Variants in CSMD1 observed in about 807,000 individuals in gnomAD.
CSMD1 encodes the protein CUB and Sushi multiple domains 1.
In CSMD1, 213 loss-of-function variants were observed where a neutral mutation model predicts 417.5. The observed-to-expected ratio is 0.51, with a 90% CI of 0.46 to 0.57. The LOEUF (loss-of-function observed/expected upper bound fraction) is 0.57, where lower values mean the gene tolerates loss of function less well. Ranked by LOEUF, CSMD1 falls within the 20% of genes least tolerant of loss-of-function variation. CSMD1 has a pLI of 0.00. For missense variants in CSMD1, 6,923 were observed against 4,529.7 expected (o/e 1.53, Z -15.17); for synonymous variants, 2,862 against 1,736.8 (o/e 1.65, Z -16.11).
intron 2 of CSMD1, among the ~76,000 whole-genome samples, chr8:4,636,165 G>A (rs926234059): frequency 1.3e-5 from 2 of 151,898 alleles, no homozygotes; most frequent in African/African-American, 4.8e-5. Context: ...GTGTATTACT[G>A]TTGGCATTAA....
At chr8:4,138,660 A>G (rs1389845107) in intron 3 of CSMD1, among the ~76,000 whole-genome samples, 1 of 152,184 alleles carries the variant, frequency 6.6e-6, no homozygotes, top group African/African-American at 2.4e-5. Flanking sequence ...TTTTCAAAGT[A>G]TTATTTCTAT....
At chr8:3,915,383 G>A (rs1381642195) in intron 5 of CSMD1, among the ~76,000 whole-genome samples, 1 of 140,470 alleles carries the variant, frequency 7.1e-6, no homozygotes, top group Non-Finnish European at 1.5e-5. Flanking sequence ...TCCAGCCTAG[G>A]CGTCACAGTA....
chr8:3,380,205 G>A (rs566300677), intron 18 of CSMD1, among the ~76,000 whole-genome samples: 9 of 152,252 alleles, frequency 5.9e-5, no homozygotes, highest in South Asian at 2.1e-4. Flanking sequence ...TCTCACAACC[G>A]TTAGAAAGGG....
chr8:4,859,735 G>T (rs1180942353), intron 1 of CSMD1, among the ~76,000 whole-genome samples: 1 of 152,012 alleles, frequency 6.6e-6, no homozygotes, highest in South Asian at 2.1e-4. Flanking sequence ...AGTTAGAATG[G>T]CAATCATTAA....
At chr8:2,997,170 G>GACT (rs1411071967) in intron 54 of CSMD1, among the ~76,000 whole-genome samples, 1 of 152,242 alleles carries the variant, frequency 6.6e-6, no homozygotes. Flanking sequence ...TCCTGACAGT[G>GACT]ACTAGTATTT....
At chr8:3,463,261 A>G (rs2117163134) in intron 12 of CSMD1, among the ~76,000 whole-genome samples, 1 of 152,224 alleles carries the variant, frequency 6.6e-6, no homozygotes. Flanking sequence ...CACACTCCCA[A>G]TACCTCCTGC....
chr8:4,030,452 C>A (rs190808764), intron 4 of CSMD1, among the ~76,000 whole-genome samples: 16 of 152,338 alleles, frequency 1.1e-4, no homozygotes, highest in Admixed American at 4.6e-4. Flanking sequence ...CCTCTGATGA[C>A]ACAGCCTGAG....
At chr8:4,237,218 A>C (rs966166110) in intron 3 of CSMD1, among the ~76,000 whole-genome samples, 1 of 152,126 alleles carries the variant, frequency 6.6e-6, no homozygotes, top group South Asian at 2.1e-4. Context: ...TCAATTGTTT[A>C]ATTTTTTCCG....
Position 3,201,628 on chromosome 8 carries a change from G to C in CSMD1, c.5082C>G (p.Leu1694=), listed in dbSNP as rs1287104358. The change falls in exon 32 of 70, where the codon CTC becomes CTG. Residue 1694 remains leucine (L), a synonymous_variant. Transcript: ENST00000635120. ...THAQARLLSS[L]SGSHSGETLP... is the part of the protein sequence containing the mutation. ...AAGACTTACCTGAGTGAGACCCCGAGAGTGAGCTGAGAAGTCTGGCCTGTG... is the reference window on the plus strand; with the variant it reads ...AAGACTTACCTGAGTGAGACCCCGACAGTGAGCTGAGAAGTCTGGCCTGTG... The C allele has an allele frequency of 6.2e-7, 1 of 1,601,510 alleles. No individual in the cohort carries two copies. The highest frequency in any genetic ancestry group is 1.7e-5 in the Admixed American group (1 of 58,734).
chr8:3,933,698 T>C (rs976604292), intron 5 of CSMD1, among the ~76,000 whole-genome samples: 3 of 152,178 alleles, frequency 2.0e-5, no homozygotes, highest in African/African-American at 7.2e-5. Context: ...CAATTTGTGC[T>C]CCTTTTGTAT....
At chr8:4,664,947 T>A (rs1402039728) in intron 1 of CSMD1, among the ~76,000 whole-genome samples, 1 of 152,224 alleles carries the variant, frequency 6.6e-6, no homozygotes, top group African/African-American at 2.4e-5. Flanking sequence ...GAATTTTAGA[T>A]ATATTGAAAA....
chr8:2,944,054 C>T (rs925592838), intron 68 of CSMD1, among the ~76,000 whole-genome samples: 2 of 152,208 alleles, frequency 1.3e-5, no homozygotes, highest in Admixed American at 6.5e-5. Context: ...TGACTGCCTA[C>T]AATATTAACG....
At chr8:4,214,168 T>G (rs1025248846) in intron 3 of CSMD1, among the ~76,000 whole-genome samples, 1 of 152,194 alleles carries the variant, frequency 6.6e-6, no homozygotes, top group African/African-American at 2.4e-5. Context: ...TGTATTTTAA[T>G]TTAGCACATC....
At chr8:4,778,644 G>C (rs971863296) in intron 1 of CSMD1, among the ~76,000 whole-genome samples, 2 of 152,178 alleles carry the variant, frequency 1.3e-5, no homozygotes, top group Non-Finnish European at 2.9e-5. Context: ...TGACCTTCAT[G>C]GGAGTGGTCT....
chr8:4,472,073 G>T (rs192468360), intron 2 of CSMD1, among the ~76,000 whole-genome samples: 2 of 152,166 alleles, frequency 1.3e-5, no homozygotes, highest in African/African-American at 2.4e-5. Context: ...TGGGAAACTT[G>T]TTCGACACAG....
At chr8:3,622,925 G>A (rs1345078649) in intron 7 of CSMD1, among the ~76,000 whole-genome samples, 2 of 152,152 alleles carry the variant, frequency 1.3e-5, no homozygotes, top group East Asian at 1.9e-4. Flanking sequence ...AGGAATTACT[G>A]GGCTTAATAT....
rs73658872 is a variant in CSMD1, at chr8:4,419,412, T to C, written c.415+541A>G. 2.8e-3 allele frequency among the ~76,000 whole-genome samples: 421 copies of C among 152,280 alleles called. 7 individuals carry two copies. Among genetic ancestry groups the C allele is most frequent in the African/African-American group, 9.7e-3 (403 of 41,560 alleles). On this transcript the variant is annotated intron_variant, in intron 3 of 69. Transcript: ENST00000635120. ...TTTCTGCCAAAAGCCGTTTTAATAA[T>C]GATAGCAATACCTCAAAGGTATCTA...
At chr8:4,751,791 C>G (rs1811343930) in intron 1 of CSMD1, among the ~76,000 whole-genome samples, 1 of 152,154 alleles carries the variant, frequency 6.6e-6, no homozygotes, top group South Asian at 2.1e-4. Flanking sequence ...CATTCTAGCT[C>G]TGCCCCGTAC....
chr8:3,153,165 G>C (rs958291140), intron 39 of CSMD1, among the ~76,000 whole-genome samples: 1 of 152,164 alleles, frequency 6.6e-6, no homozygotes, highest in Non-Finnish European at 1.5e-5. Context: ...ATGGCCATGA[G>C]TGTGACCTCT....
Sources: gnomAD v4.1 joint callset for allele counts (sites outside exome capture counted in the v4.1 genomes callset) on GRCh38, gnomAD v4.1.1 for gene constraint, MANE v1.5 for transcripts, NCBI Gene and HGNC (gene_info 2026-07-23, HGNC 2026-07-21) for gene names.